MYT1L: variants seen among roughly 807,000 people sequenced by gnomAD.
MYT1L encodes myelin transcription factor 1-like protein.
MYT1L carries 12 observed loss-of-function variants against 126.7 expected under a neutral mutation model. The ratio of observed to expected loss-of-function variants is 0.09; its 90% CI spans 0.06 to 0.15. MYT1L has a LOEUF of 0.15. MYT1L is among the 10% of genes least tolerant of loss of function. The probability of loss-of-function intolerance (pLI) is 1.00; values close to 1 mark genes in which losing one functional copy is unlikely to be tolerated. For synonymous variants in MYT1L, 541 were observed against 604.2 expected (o/e 0.90, Z 1.53); for missense variants, 979 against 1,585.2 (o/e 0.62, Z 6.49).
chr2:2,269,183 C>T (rs1402122640), intron 2 of MYT1L, among the ~76,000 whole-genome samples: 1 of 152,180 alleles, frequency 6.6e-6, no homozygotes, highest in African/African-American at 2.4e-5. Context: ...TAAAGATTCC[C>T]ACACACTTAT....
At chr2:2,325,097 C>G (rs1418538869) in intron 1 of MYT1L, 2 of 152,452 alleles carry the variant, frequency 1.3e-5, no homozygotes, top group African/African-American at 2.4e-5. Context: ...GGCAATATAT[C>G]TAAAAATATC....
Position 1,848,055 on chromosome 2 carries a change from C to G in MYT1L, c.2774+3586G>C, listed in dbSNP as rs1002987926. On this transcript the variant is annotated intron_variant, in intron 19 of 24. Transcript: ENST00000647738. This position sits in a 1 kb window ranked among gnomAD's most constrained non-coding sequence, Gnocchi z 4.8. The stretch of plus-strand genomic sequence containing the variant: ...CAGCTCTGCTACTGAATCTCCTGGC[C>G]CCTCAGTTTCCTCAAATTCAAAAGT... Among the ~76,000 whole-genome samples, 1 of 152,148 alleles carries G rather than the reference C, an allele frequency of 6.6e-6. No individual in the cohort carries two copies.
chr2:2,022,133 C>T (rs56204561), intron 4 of MYT1L, among the ~76,000 whole-genome samples: 61 of 152,292 alleles, frequency 4.0e-4, no homozygotes, highest in Non-Finnish European at 7.5e-4. Context: ...AAGGAATAAC[C>T]TCAGAATGTT....
chr2:1,886,509 T>A, intron 18 of MYT1L, 30 bp downstream of exon 18: 2 of 1,509,706 alleles, frequency 1.3e-6, no homozygotes, highest in Non-Finnish European at 1.8e-6. Flanking sequence ...CATGGATTTT[T>A]AAAAGAGAAT....
In MYT1L at chr2:2,117,063, C is replaced by T. The variant is rs73911397; in HGVS notation, c.-304+55809G>A. Among the ~76,000 whole-genome samples, 1,307 of 152,282 alleles carry T rather than the reference C, an allele frequency of 8.6e-3. 21 individuals are homozygous for T. The highest frequency in any genetic ancestry group is 0.026 in the African/African-American group (1,093 of 41,558). ...GGTGGGTTTCCACATGGCAGCAGCT[C>T]CTGGACCTCTCCCCCTGCAGAGCAC... On this transcript the variant is annotated intron_variant, in intron 3 of 24. Transcript: ENST00000647738.
chr2:1,829,296 C>G (rs74169682), intron 21 of MYT1L, among the ~76,000 whole-genome samples: 1 of 128,094 alleles, frequency 7.8e-6, no homozygotes, highest in Non-Finnish European at 1.6e-5. Flanking sequence ...CACCTGTGAA[C>G]TGACCCTCCC....
chr2:2,043,367 T>A (rs1261865705), intron 4 of MYT1L, among the ~76,000 whole-genome samples: 1 of 152,212 alleles, frequency 6.6e-6, no homozygotes, highest in Non-Finnish European at 1.5e-5. Context: ...AATTTCTTGT[T>A]ATGTTGTTAT....
At chr2:2,126,890 C>A (rs997888360) in intron 3 of MYT1L, among the ~76,000 whole-genome samples, 1 of 152,216 alleles carries the variant, frequency 6.6e-6, no homozygotes, top group Non-Finnish European at 1.5e-5. Flanking sequence ...TTATAACCAG[C>A]ATACACTGCT....
chr2:2,240,126 C>T (rs2094409710), intron 2 of MYT1L, among the ~76,000 whole-genome samples: 1 of 152,008 alleles, frequency 6.6e-6, no homozygotes, highest in African/African-American at 2.4e-5. Context: ...GGTGAAACCC[C>T]ATCTCTACTA....
At position 1,982,060 on chromosome 2, in the gene MYT1L, C is replaced by T. The variant is rs529048369; in HGVS notation, c.1-2283G>A. On this transcript the variant is annotated intron_variant, in intron 5 of 24. Coordinates refer to ENST00000647738, the MANE Select transcript of MYT1L (RefSeq NM_001303052.2). The stretch of plus-strand genomic sequence containing the variant: ...GTGGATTTGACATTTAACTAAATAG[C>T]ACCATGAGGAACACATCAATGCTCT... 2.1e-3 allele frequency among the ~76,000 whole-genome samples: 315 copies of T among 152,274 alleles called. 1 individual carries two copies. The highest frequency in any genetic ancestry group is 7.4e-3 in the African/African-American group (308 of 41,548).
At chr2:1,815,103 G>C (rs1017034717) in intron 21 of MYT1L, among the ~76,000 whole-genome samples, 1 of 152,192 alleles carries the variant, frequency 6.6e-6, no homozygotes, top group African/African-American at 2.4e-5. Context: ...CCAGAACCAT[G>C]AAAGGCAGAT....
At chr2:2,043,279 C>T (rs1209069846) in intron 4 of MYT1L, among the ~76,000 whole-genome samples, 1 of 152,112 alleles carries the variant, frequency 6.6e-6, no homozygotes, top group Non-Finnish European at 1.5e-5. Context: ...TGTAGTCACA[C>T]AATTCATTTA....
chr2:1,872,228 CCA>C (rs1404822342), intron 18 of MYT1L, among the ~76,000 whole-genome samples: 1 of 152,164 alleles, frequency 6.6e-6, no homozygotes, highest in Non-Finnish European at 1.5e-5. Context: ...GTTCCGACCC[CCA>C]GTCATCCACC....
At chr2:2,241,384 C>T (rs539914508) in intron 2 of MYT1L, among the ~76,000 whole-genome samples, 4 of 152,276 alleles carry the variant, frequency 2.6e-5, no homozygotes, top group South Asian at 2.1e-4. Flanking sequence ...TTGCCTTTCT[C>T]GTTTCTATGA....
intron 4 of MYT1L, among the ~76,000 whole-genome samples, chr2:2,019,528 G>T (rs770404732): frequency 1.3e-5 from 2 of 152,200 alleles, no homozygotes; most frequent in Non-Finnish European, 2.9e-5. Flanking sequence ...CTAACCCCAA[G>T]TCCACTTATC....
chr2:2,037,786 C>T (rs1023883110), intron 4 of MYT1L, among the ~76,000 whole-genome samples: 1 of 147,748 alleles, frequency 6.8e-6, no homozygotes, highest in African/African-American at 2.6e-5. Flanking sequence ...ACAAAACCCC[C>T]CCAAAAAAAC....
chr2:2,053,637 G>A (rs2069116049), intron 4 of MYT1L, among the ~76,000 whole-genome samples: 1 of 152,074 alleles, frequency 6.6e-6, no homozygotes, highest in South Asian at 2.1e-4. Flanking sequence ...TGGACACAGG[G>A]ATCTGATTTT....
chr2:2,186,120 C>A (rs1292572188), intron 2 of MYT1L, among the ~76,000 whole-genome samples: 2 of 133,760 alleles, frequency 1.5e-5, no homozygotes, highest in Non-Finnish European at 3.1e-5. Context: ...TCCGGAGTCC[C>A]GCGTTCCTTC....
At chr2:2,273,161 T>C (rs2095296683) in intron 2 of MYT1L, among the ~76,000 whole-genome samples, 1 of 152,156 alleles carries the variant, frequency 6.6e-6, no homozygotes, top group Admixed American at 6.5e-5. Context: ...CTGGTGACGC[T>C]CCTCCTCATT....
Sources: allele counts gnomAD v4.1 joint callset (sites outside exome capture counted in the v4.1 genomes callset), GRCh38; gene constraint gnomAD v4.1.1; non-coding constraint Gnocchi (gnomAD v3.1); transcripts MANE v1.5; gene names NCBI Gene and HGNC (gene_info 2026-07-23, HGNC 2026-07-21).